DOCK1: variants seen among roughly 807,000 people sequenced by gnomAD.
DOCK1 encodes the protein dedicator of cytokinesis protein 1.
In DOCK1, 138 loss-of-function variants were observed where a neutral mutation model predicts 262.7. The observed-to-expected ratio is 0.53, with a 90% CI of 0.46 to 0.61. DOCK1 has a LOEUF of 0.61. Among genes scored for constraint, DOCK1 ranks in the 20% least tolerant of loss-of-function variants. DOCK1 has a pLI of 0.00. For missense variants in DOCK1, 1,908 were observed against 2,370.7 expected (o/e 0.80, Z 4.05); for synonymous variants, 866 against 867.4 (o/e 1.00, Z 0.03).
intron 30 of DOCK1, among the ~76,000 whole-genome samples, 169 bp downstream of exon 30, chr10:127,339,253 T>C (rs2063322801): frequency 6.6e-6 from 1 of 152,190 alleles, no homozygotes; most frequent in East Asian, 1.9e-4. Context: ...GGAGTGAAAA[T>C]TATACTTTTG....
intron 29 of DOCK1, chr10:127,272,009 A>G (rs936544049): frequency 6.6e-6 from 1 of 152,204 alleles, no homozygotes; most frequent in African/African-American, 2.4e-5. Flanking sequence ...TGTACGTTTC[A>G]GCCAACTGCA....
At chr10:127,336,668 T>C (rs1248535078) in intron 29 of DOCK1, among the ~76,000 whole-genome samples, 1 of 151,980 alleles carries the variant, frequency 6.6e-6, no homozygotes, top group East Asian at 1.9e-4. Flanking sequence ...GCCTCCCAAG[T>C]AGCTGGGACT....
chr10:127,038,216 A>G (rs2135588065), intron 19 of DOCK1, among the ~76,000 whole-genome samples: 1 of 152,258 alleles, frequency 6.6e-6, no homozygotes, highest in Admixed American at 6.5e-5. Flanking sequence ...CTGGGCAACA[A>G]GAGCAAAACT....
chr10:127,087,665 C>G (rs1482361453), intron 23 of DOCK1, among the ~76,000 whole-genome samples: 1 of 152,090 alleles, frequency 6.6e-6, no homozygotes, highest in Non-Finnish European at 1.5e-5. Context: ...GGGTAGTAGC[C>G]AAGCCTTGAT....
In DOCK1 at chr10:127,175,719, C is replaced by T; in HGVS notation, c.2847+47955C>T. 1 of 1,614,042 alleles carries T rather than the reference C, an allele frequency of 6.2e-7. No homozygotes were observed. Among genetic ancestry groups the T allele is most frequent in the Non-Finnish European group, 8.5e-7 (1 of 1,180,034 alleles). Reference sequence around the variant, plus strand: ...CCTCCCCCGGTCCTGCTTGGCCCTCCCGAGCAGCTGGTAATCGGGCTCTTC... The same window carrying T: ...CCTCCCCCGGTCCTGCTTGGCCCTCTCGAGCAGCTGGTAATCGGGCTCTTC... On this transcript the variant is annotated intron_variant, in intron 27 of 51. Transcript: ENST00000623213. The surrounding 1 kb of genome is among the most constrained non-coding windows in gnomAD (Gnocchi z 6.3).
intron 23 of DOCK1, among the ~76,000 whole-genome samples, chr10:127,090,670 A>G (rs1291318734): frequency 6.6e-6 from 1 of 152,088 alleles, no homozygotes; most frequent in African/African-American, 2.4e-5. Context: ...CCCCCTTCAC[A>G]CTGCCTGGCA....
At chr10:127,123,567 A>G (rs2049750003) in intron 25 of DOCK1, among the ~76,000 whole-genome samples, 1 of 152,196 alleles carries the variant, frequency 6.6e-6, no homozygotes. Context: ...AAGAGTCACT[A>G]AAGTTGGATG....
intron 33 of DOCK1, among the ~76,000 whole-genome samples, chr10:127,368,972 A>G (rs1452918112): frequency 6.6e-6 from 1 of 152,214 alleles, no homozygotes; most frequent in Non-Finnish European, 1.5e-5. Flanking sequence ...ATTTTCAATC[A>G]TGGAGCTATT....
At chr10:126,954,948 A>G (rs1416311591) in intron 1 of DOCK1, among the ~76,000 whole-genome samples, 1 of 152,152 alleles carries the variant, frequency 6.6e-6, no homozygotes, top group East Asian at 1.9e-4. Context: ...GCCTGATCAT[A>G]TAGTAGTTGT....
intron 47 of DOCK1, 147 bp downstream of exon 47, chr10:127,426,158 T>C: frequency 7.3e-7 from 1 of 1,376,234 alleles, no homozygotes. Flanking sequence ...TCAGCCCCCT[T>C]GGGCAGTCTT....
At chr10:127,197,023 G>T (rs933292096) in intron 27 of DOCK1, among the ~76,000 whole-genome samples, 1 of 152,162 alleles carries the variant, frequency 6.6e-6, no homozygotes. Flanking sequence ...TGTCTTGTAG[G>T]TGCCTGGCCG....
At chr10:127,164,870 G>A (rs1263382501) in intron 27 of DOCK1, among the ~76,000 whole-genome samples, 1 of 152,134 alleles carries the variant, frequency 6.6e-6, no homozygotes, top group African/African-American at 2.4e-5. Flanking sequence ...TGATGACAAT[G>A]ATACAAACAA....
At chr10:127,388,627 T>C (rs760333419) in intron 38 of DOCK1, among the ~76,000 whole-genome samples, 3 of 152,346 alleles carry the variant, frequency 2.0e-5, no homozygotes, top group Middle Eastern at 3.4e-3. Flanking sequence ...TTCTCACACA[T>C]GCTCCGAATC....
chr10:126,956,991 C>T lies in DOCK1; in HGVS notation c.47-13711C>T, dbSNP rs1000384824. On this transcript the variant is annotated intron_variant, in intron 1 of 51. Coordinates refer to ENST00000623213, the MANE Select transcript of DOCK1 (RefSeq NM_001290223.2). The stretch of plus-strand genomic sequence containing the variant: ...AAGTGCTTTGTCACCTGAGAAGCCC[C>T]CACATTGGAGGGAACATGGGCTCTC... Among the ~76,000 whole-genome samples, 462 of 152,256 alleles carry T rather than the reference C, an allele frequency of 3.0e-3. 4 individuals are homozygous for T. The highest frequency in any genetic ancestry group is 0.01 in the African/African-American group (434 of 41,560).
intron 29 of DOCK1, among the ~76,000 whole-genome samples, chr10:127,303,639 A>G (rs932683195): frequency 1.4e-5 from 2 of 142,054 alleles, no homozygotes; most frequent in South Asian, 2.1e-4. Context: ...TAAGAGCATC[A>G]TTTGAGCTCT....
At chr10:127,037,683 G>C in intron 18 of DOCK1, 36 bp from the exon 19 acceptor site, 1 of 1,527,042 alleles carries the variant, frequency 6.5e-7, no homozygotes, top group East Asian at 2.4e-5. Flanking sequence ...AGAGTTTCTT[G>C]CTTGTGAAGA....
intron 40 of DOCK1, 142 bp downstream of exon 40, chr10:127,404,571 G>A (rs540302727): frequency 3.9e-5 from 28 of 719,654 alleles, no homozygotes; most frequent in South Asian, 2.0e-4. Context: ...TGGTTAGCCC[G>A]GGGGGCAGAG....
chr10:126,979,247 C>T (rs1346141869), intron 3 of DOCK1, among the ~76,000 whole-genome samples: 1 of 152,048 alleles, frequency 6.6e-6, no homozygotes, highest in Non-Finnish European at 1.5e-5. Flanking sequence ...CCAGCCAGGC[C>T]CAAAGATATG....
chr10:127,092,888 G>A (rs1250807464), intron 23 of DOCK1, among the ~76,000 whole-genome samples: 4 of 152,206 alleles, frequency 2.6e-5, no homozygotes, highest in Non-Finnish European at 4.4e-5. Context: ...CTTGCTTTAA[G>A]TGTCTCATGG....
Sources: allele counts gnomAD v4.1 joint callset (sites outside exome capture counted in the v4.1 genomes callset), GRCh38; gene constraint gnomAD v4.1.1; non-coding constraint Gnocchi (gnomAD v3.1); transcripts MANE v1.5; gene names NCBI Gene and HGNC (gene_info 2026-07-23, HGNC 2026-07-21).